The following ADH1A variants were observed in gnomAD, a reference collection of about 807,000 sequenced individuals.
ADH1A encodes the protein alcohol dehydrogenase 1A.
Under a neutral mutation model 35.2 loss-of-function variants are expected in ADH1A, and 29 were observed. The observed-to-expected ratio is 0.82, with a 90% CI of 0.61 to 1.12. The LOEUF (loss-of-function observed/expected upper bound fraction) is 1.12, where lower values mean the gene tolerates loss of function less well. Among genes scored for constraint, ADH1A ranks in the 50% most tolerant of loss-of-function variants. The pLI, the probability that ADH1A is intolerant of heterozygous loss-of-function variation, is 0.00. For synonymous variants in ADH1A, 147 were observed against 164.8 expected (o/e 0.89, Z 0.83); for missense variants, 469 against 464.7 (o/e 1.01, Z -0.09).
intron 2 of ADH1A, among the ~76,000 whole-genome samples, chr4:99,287,191 G>C (rs1282434580): frequency 1.3e-5 from 2 of 152,186 alleles, no homozygotes; most frequent in Non-Finnish European, 2.9e-5. Flanking sequence ...GAAGTAAACA[G>C]TTTAGAATAA....
chr4:99,286,179 G>A (rs985076076), intron 3 of ADH1A, among the ~76,000 whole-genome samples: 2 of 152,068 alleles, frequency 1.3e-5, no homozygotes, highest in Non-Finnish European at 2.9e-5. Flanking sequence ...AAGTGTCCTA[G>A]TTATTCTCCC....
chr4:99,286,477 C>T (rs1256436661), intron 3 of ADH1A, among the ~76,000 whole-genome samples: 2 of 152,142 alleles, frequency 1.3e-5, no homozygotes, highest in African/African-American at 4.8e-5. Context: ...TTTCCCTCCT[C>T]CCATTTCTAG....
chr4:99,282,170 A>G lies in ADH1A; in HGVS notation c.828+176T>C. On this transcript the variant is annotated intron_variant, in intron 6 of 8. Coordinates refer to ENST00000209668, the MANE Select transcript of ADH1A (RefSeq NM_000667.4). The stretch of plus-strand genomic sequence containing the variant: ...GACTTGAGACACGTTTGCATAGTTG[A>G]TAGAATAAAAGATTCCTCATAACAA... 4 of 1,247,270 alleles carry G rather than the reference A, an allele frequency of 3.2e-6. No homozygotes were observed. The South Asian group carries it at 5.5e-5, about 17-fold the overall frequency. 77.3% of individuals were successfully genotyped at this position (1,247,270 alleles called of 1,614,324 possible). A position where few individuals can be genotyped will look rare whatever the true frequency, so the allele number is the denominator to read the frequency against.
In ADH1A at chr4:99,276,644, G is replaced by A. The variant is rs199637744; in HGVS notation, c.1108C>T (p.Arg370Cys). 3.3e-5 allele frequency: 54 copies of A among 1,612,056 alleles called. No individual in the cohort carries two copies. The Admixed American group carries it at 4.7e-4, about 14-fold the overall frequency. ...TTGTCTCAAAACATCAGAATGGTAC[G>A]GATACTGCAATAGGAAAGAAGAGAC... ...FDLLHSGKSIRTILMF is the reference protein window; with the variant it reads ...FDLLHSGKSICTILMF The change falls in exon 9 of 9, where the codon CGT becomes TGT. Residue 370 changes from arginine to cysteine, a missense_variant. Physicochemically the swap from Arg to Cys is radical, Grantham distance 180. Coordinates refer to ENST00000209668, the MANE Select transcript of ADH1A (RefSeq NM_000667.4).
intron 7 of ADH1A, among the ~76,000 whole-genome samples, chr4:99,279,917 C>A (rs569964854): frequency 4.6e-5 from 7 of 152,060 alleles, no homozygotes; most frequent in African/African-American, 1.7e-4. Flanking sequence ...GTTACAAGTA[C>A]GAAAACAGAT....
chr4:99,280,378 G>T, intron 6 of ADH1A, 99 bp from the exon 7 acceptor site: 1 of 1,566,646 alleles, frequency 6.4e-7, no homozygotes, highest in East Asian at 2.2e-5. Context: ...GATTGTGAGT[G>T]TGTAGAGGGA....
intron 7 of ADH1A, 45 bp downstream of exon 7, chr4:99,280,099 A>G (rs1732962485): frequency 1.9e-6 from 3 of 1,611,890 alleles, no homozygotes; most frequent in Non-Finnish European, 2.5e-6. Context: ...AAGGGGAGAT[A>G]TGCTGAGGTT....
At chr4:99,289,806 G>C (rs1285359017) in intron 1 of ADH1A, among the ~76,000 whole-genome samples, 3 of 152,130 alleles carry the variant, frequency 2.0e-5, no homozygotes, top group African/African-American at 7.2e-5. Flanking sequence ...TTTCTTTTAA[G>C]TTGAGTTTGG....
chr4:99,287,096 A>G, intron 2 of ADH1A, 108 bp from the exon 3 acceptor site: 7 of 1,360,152 alleles, frequency 5.1e-6, no homozygotes, highest in Middle Eastern at 3.7e-4. Context: ...GGGTTTTGCT[A>G]ATAATCCCTA....
Position 99,284,512 on chromosome 4 carries a change from CTG to C in ADH1A, c.452_453del (p.Thr151SerfsTer4), listed in dbSNP as rs1733094526. ...FLGISTFSQY[T>X]VVDENAVAKI... is the part of the protein sequence containing the mutation. Reference sequence around the variant, plus strand: ...TTGGCTACTGCATTTTCATCCACCACTGTGTACTGTGAGAAGGTGCTGATGCC... The same window carrying C: ...TTGGCTACTGCATTTTCATCCACCACTGTACTGTGAGAAGGTGCTGATGCC... On this transcript the variant is annotated frameshift_variant, in exon 5 of 9. Transcript: ENST00000209668. LOFTEE classifies it high-confidence loss of function. 6.2e-7 allele frequency: 1 copy of C among 1,614,214 alleles called. No homozygotes were observed. The highest frequency in any genetic ancestry group is 1.3e-5 in the African/African-American group (1 of 75,050).
At chr4:99,288,163 C>T (rs1733204108) in intron 1 of ADH1A, among the ~76,000 whole-genome samples, 1 of 152,154 alleles carries the variant, frequency 6.6e-6, no homozygotes, top group Non-Finnish European at 1.5e-5. Flanking sequence ...ACATCTCTTT[C>T]TCTCTCTTTT....
Position 99,276,641 on chromosome 4 carries a change from T to A in ADH1A, c.1111A>T (p.Thr371Ser), listed in dbSNP as rs1307422383. The change falls in exon 9 of 9, where the codon ACC (threonine) becomes TCC (serine). Residue 371 changes from threonine to serine, a missense_variant. By Grantham distance (58) the Thr-to-Ser change is moderately conservative. Transcript: ENST00000209668. The stretch of plus-strand genomic sequence containing the variant: ...GTATTGTCTCAAAACATCAGAATGG[T>A]ACGGATACTGCAATAGGAAAGAAGA... ...DLLHSGKSIR[T>S]ILMF is the part of the protein sequence containing the mutation. The A allele has an allele frequency of 6.2e-7, 1 of 1,612,370 alleles. No homozygotes were observed. The highest frequency in any genetic ancestry group is 1.3e-5 in the African/African-American group (1 of 74,858).
chr4:99,287,411 A>C (rs1733179776), intron 2 of ADH1A, among the ~76,000 whole-genome samples, 153 bp downstream of exon 2: 1 of 152,196 alleles, frequency 6.6e-6, no homozygotes, highest in Admixed American at 6.5e-5. Flanking sequence ...CACTGTGTGC[A>C]CTTTTTTAAA....
chr4:99,277,691 A>G (rs1732902991), intron 8 of ADH1A, among the ~76,000 whole-genome samples: 1 of 152,106 alleles, frequency 6.6e-6, no homozygotes, highest in Non-Finnish European at 1.5e-5. Context: ...TCTTTATTAT[A>G]TGAGCCTAAA....
chr4:99,285,598 G>A (rs923972536), intron 3 of ADH1A, among the ~76,000 whole-genome samples: 1 of 152,178 alleles, frequency 6.6e-6, no homozygotes, highest in South Asian at 2.1e-4. Context: ...TAGTAGTTTA[G>A]TAGTTATTAG....
At chr4:99,283,470 G>T (rs907153569) in intron 5 of ADH1A, among the ~76,000 whole-genome samples, 1 of 116,072 alleles carries the variant, frequency 8.6e-6, no homozygotes, top group Non-Finnish European at 1.8e-5. Flanking sequence ...CCTTAAGGGT[G>T]TCTATTCATT....
rs1368983923 is a variant in ADH1A, at chr4:99,284,508, A to G, written c.458T>C (p.Val153Ala). 1 of 1,614,100 alleles carries G rather than the reference A, an allele frequency of 6.2e-7. No homozygotes were observed. Among genetic ancestry groups the G allele is most frequent in the African/African-American group, 1.3e-5 (1 of 74,930 alleles). ...AATTTTGGCTACTGCATTTTCATCC[A>G]CCACTGTGTACTGTGAGAAGGTGCT... ...GISTFSQYTV[V>A]DENAVAKIDA... The change falls in exon 5 of 9, where the codon GTG becomes GCG. Residue 153 changes from valine (V) to alanine (A), a missense_variant. Physicochemically the swap from Val to Ala is moderately conservative, Grantham distance 64 (BLOSUM62 0). Transcript: ENST00000209668.
intron 3 of ADH1A, 70 bp from the exon 4 acceptor site, chr4:99,284,873 C>T (rs1487930179): frequency 7.5e-7 from 1 of 1,336,782 alleles, no homozygotes; most frequent in African/African-American, 1.5e-5. Context: ...ACATAAAGCT[C>T]ACATGTCTTT....
At chr4:99,279,257 T>A (rs1447997273) in intron 8 of ADH1A, among the ~76,000 whole-genome samples, 169 bp downstream of exon 8, 1 of 152,124 alleles carries the variant, frequency 6.6e-6, no homozygotes, top group African/African-American at 2.4e-5. Flanking sequence ...TTTTAGCATC[T>A]CACAGAGGTT....
Sources: gnomAD v4.1 joint callset for allele counts (sites outside exome capture counted in the v4.1 genomes callset) on GRCh38, gnomAD v4.1.1 for gene constraint, MANE v1.5 for transcripts, NCBI Gene and HGNC (gene_info 2026-07-23, HGNC 2026-07-21) for gene names.